Variants in GPHN observed in about 807,000 individuals in gnomAD.
GPHN encodes the protein gephyrin.
GPHN carries 17 observed loss-of-function variants against 95.5 expected under a neutral mutation model. The observed-to-expected ratio is 0.18, with a 90% CI of 0.12 to 0.27. The LOEUF (loss-of-function observed/expected upper bound fraction) is 0.27. Ranked by LOEUF, GPHN falls within the 10% of genes least tolerant of loss-of-function variation. The probability of loss-of-function intolerance (pLI) is 1.00; values close to 1 mark genes in which losing one functional copy is unlikely to be tolerated. For missense variants in GPHN, 660 were observed against 978.1 expected (o/e 0.67, Z 4.34); for synonymous variants, 320 against 322.5 (o/e 0.99, Z 0.08).
At chr14:66,737,469 C>G (rs1023071081) in intron 2 of GPHN, among the ~76,000 whole-genome samples, 4 of 152,074 alleles carry the variant, frequency 2.6e-5, no homozygotes, top group Non-Finnish European at 5.9e-5. Flanking sequence ...TCTACCCAAT[C>G]CAAGGTAGAC....
At chr14:67,339,335 CGAATG>C in the GPHN span, among the ~76,000 whole-genome samples, 1 of 151,962 alleles carries the variant, frequency 6.6e-6, no homozygotes. Flanking sequence ...AATCCATTCT[CGAATG>C]GAACAGATTT....
intron 5 of GPHN, among the ~76,000 whole-genome samples, chr14:66,881,823 T>C (rs1463539649): frequency 3.3e-5 from 5 of 151,874 alleles, no homozygotes; most frequent in Admixed American, 1.3e-4. Context: ...AATGAGTTGT[T>C]CATCTTTATC....
At chr14:66,637,288 T>C (rs1435673095) in intron 1 of GPHN, among the ~76,000 whole-genome samples, 1 of 152,182 alleles carries the variant, frequency 6.6e-6, no homozygotes, top group Non-Finnish European at 1.5e-5. Flanking sequence ...TTTGCAGTTA[T>C]GTAACCCGGA....
At chr14:67,608,911 C>T in the GPHN span, among the ~76,000 whole-genome samples, 1 of 152,174 alleles carries the variant, frequency 6.6e-6, no homozygotes, top group Admixed American at 6.5e-5. Context: ...ACACAGAAAA[C>T]TTCTGTGACC....
At chr14:66,944,768 T>TAA (rs991302026) in intron 8 of GPHN, among the ~76,000 whole-genome samples, 5 of 152,316 alleles carry the variant, frequency 3.3e-5, no homozygotes, top group South Asian at 2.1e-4. Flanking sequence ...GAGAAAAACT[T>TAA]AATCACTTTC....
the GPHN span, among the ~76,000 whole-genome samples, chr14:67,453,217 G>T: frequency 3.9e-5 from 6 of 152,186 alleles, no homozygotes; most frequent in African/African-American, 7.2e-5. Flanking sequence ...CCCCCGGGGG[G>T]TCAGCTTGGG....
At chr14:66,623,982 C>T (rs147785120) in intron 1 of GPHN, among the ~76,000 whole-genome samples, 1 of 152,244 alleles carries the variant, frequency 6.6e-6, no homozygotes, top group African/African-American at 2.4e-5. Context: ...GGTTTGGACA[C>T]CAACCCTGGA....
At chr14:66,850,003 C>T (rs113539851) in intron 4 of GPHN, among the ~76,000 whole-genome samples, 2 of 152,092 alleles carry the variant, frequency 1.3e-5, no homozygotes, top group African/African-American at 4.8e-5. Context: ...AAACACATTT[C>T]TTCCTAATAA....
intron 8 of GPHN, among the ~76,000 whole-genome samples, chr14:66,932,671 T>C (rs1377315172): frequency 6.6e-6 from 1 of 150,962 alleles, no homozygotes. Flanking sequence ...CACTCTAGGC[T>C]CAGGGCAGCT....
intron 2 of GPHN, among the ~76,000 whole-genome samples, chr14:66,706,922 G>A (rs2069127250): frequency 1.3e-5 from 2 of 151,940 alleles, no homozygotes; most frequent in South Asian, 4.1e-4. Flanking sequence ...ATCTGACAAA[G>A]GTCTAATATC....
the GPHN span, chr14:67,652,556 A>C: frequency 1.3e-5 from 2 of 152,546 alleles, no homozygotes; most frequent in Non-Finnish European, 2.9e-5. Flanking sequence ...AAATGCCTGC[A>C]TGAAGCAATG....
intron 2 of GPHN, among the ~76,000 whole-genome samples, chr14:66,702,030 C>T (rs1356897119): frequency 2.0e-5 from 3 of 152,218 alleles, no homozygotes; most frequent in Non-Finnish European, 4.4e-5. Context: ...TGGCAGACTG[C>T]GGCCACAGTG....
At chr14:67,045,965 T>A (rs1262051754) in intron 10 of GPHN, among the ~76,000 whole-genome samples, 1 of 152,158 alleles carries the variant, frequency 6.6e-6, no homozygotes. Context: ...ACTGGCAAGT[T>A]GGTTTCTGGA....
chr14:67,437,496 GCT>G, the GPHN span, among the ~76,000 whole-genome samples: 2 of 152,120 alleles, frequency 1.3e-5, no homozygotes, highest in Non-Finnish European at 2.9e-5. Context: ...TGATTGGAGG[GCT>G]CTAAGCAAGT....
chr14:67,009,670 A>T (rs940912080), intron 9 of GPHN, among the ~76,000 whole-genome samples: 1 of 152,158 alleles, frequency 6.6e-6, no homozygotes, highest in Non-Finnish European at 1.5e-5. Flanking sequence ...ATTTGAACAG[A>T]TAGTAAAATG....
the GPHN span, chr14:67,385,966 A>G: frequency 2.0e-5 from 3 of 152,202 alleles, no homozygotes; most frequent in Admixed American, 1.3e-4. Context: ...TTTTAAAAAT[A>G]CAAATGCCAG....
chr14:67,666,057 C>T, the GPHN span, among the ~76,000 whole-genome samples: 20,596 of 152,178 alleles, frequency 0.14, 1,938 homozygotes, highest in Non-Finnish European at 0.22. Context: ...TAAGCTGTCC[C>T]AAAAGTGCTG....
At chr14:66,835,381 T>C (rs1430476273) in intron 4 of GPHN, among the ~76,000 whole-genome samples, 2 of 152,070 alleles carry the variant, frequency 1.3e-5, no homozygotes, top group Non-Finnish European at 2.9e-5. Context: ...CTGCTTTCTC[T>C]TGTGGGCATT....
chr14:67,152,478 A>AGT (rs2081338876), intron 18 of GPHN, among the ~76,000 whole-genome samples: 1 of 125,190 alleles, frequency 8.0e-6, no homozygotes, highest in Admixed American at 7.7e-5. Flanking sequence ...ACAACGAGCA[A>AGT]ATAAGATGCT....
Sources: allele counts gnomAD v4.1 joint callset (sites outside exome capture counted in the v4.1 genomes callset), GRCh38; gene constraint gnomAD v4.1.1; transcripts MANE v1.5; gene names NCBI Gene and HGNC (gene_info 2026-07-23, HGNC 2026-07-21).